The following TRAPPC11 variants were observed in gnomAD, a reference collection of about 807,000 sequenced individuals.
TRAPPC11 encodes foie gras homolog.
In TRAPPC11, 104 loss-of-function variants were observed where a neutral mutation model predicts 151.2. The observed-to-expected ratio is 0.69, with a 90% confidence interval of 0.59 to 0.81. The LOEUF (loss-of-function observed/expected upper bound fraction) is 0.81. Among genes scored for constraint, TRAPPC11 ranks in the 30% least tolerant of loss-of-function variants. The probability of loss-of-function intolerance (pLI) is 0.00; values close to 1 mark genes in which losing one functional copy is unlikely to be tolerated. For synonymous variants in TRAPPC11, 456 were observed against 472.3 expected, an observed-to-expected ratio of 0.97 and a Z score of 0.45; for missense variants, 1,230 against 1,349.6, an observed-to-expected ratio of 0.91 and a Z score of 1.39.
At chr4:183,680,427 C>T (rs888776343) in intron 10 of TRAPPC11, among the ~76,000 whole-genome samples, 160 bp downstream of exon 10, 6 of 152,062 alleles carry the variant, frequency 3.9e-5, no homozygotes, top group African/African-American at 1.4e-4. Flanking sequence ...TGGTTTTAGC[C>T]TGAGTACTCT....
chr4:183,697,495 T>C lies in TRAPPC11; in HGVS notation c.2629-8T>C, dbSNP rs566528803. The C allele has an allele frequency of 6.3e-7, 1 of 1,594,678 alleles. No homozygotes were observed. The highest frequency in any genetic ancestry group is 8.5e-7 in the Non-Finnish European group (1 of 1,175,742). ...ATCCATGAATGTGCCCTTTACATTT[T>C]CTTGCAGGATGAAACTGTAACAATT... On this transcript the variant is annotated splice_polypyrimidine_tract_variant and splice_region_variant and intron_variant, in intron 23 of 29. Coordinates refer to ENST00000334690, the MANE Select transcript of TRAPPC11 (RefSeq NM_021942.6).
chr4:183,711,311 T>C (rs1269949810), intron 29 of TRAPPC11, among the ~76,000 whole-genome samples: 1 of 152,216 alleles, frequency 6.6e-6, no homozygotes, highest in Non-Finnish European at 1.5e-5. Flanking sequence ...CACTGCCACA[T>C]TTCAAGTGCT....
At chr4:183,702,407 C>T (rs1181373862) in intron 26 of TRAPPC11, among the ~76,000 whole-genome samples, 2 of 148,684 alleles carry the variant, frequency 1.3e-5, no homozygotes, top group Admixed American at 6.7e-5. Context: ...GGGAAAAAAA[C>T]GTAAATGCCC....
At position 183,685,294 on chromosome 4, in the gene TRAPPC11, C is replaced by T. The variant is rs956260681; in HGVS notation, c.1653C>T (p.Pro551=). 20 of 1,613,904 alleles carry T rather than the reference C, an allele frequency of 1.2e-5. No homozygotes were observed. Among genetic ancestry groups the T allele is most frequent in the Middle Eastern group, 1.6e-4 (1 of 6,082 alleles). Residue 551 remains proline, a synonymous_variant, in exon 17 of 30, where the codon CCC becomes CCT. Coordinates refer to ENST00000334690, the MANE Select transcript of TRAPPC11 (RefSeq NM_021942.6). ...AGAATGAAAGTCCTGATCCAGAACCCGACTGTGATATCTTAGCTGTGAAAA... is the reference window on the plus strand; with the variant it reads ...AGAATGAAAGTCCTGATCCAGAACCTGACTGTGATATCTTAGCTGTGAAAA... ...VLMNESPDPE[P]DCDILAVKTA...
chr4:183,704,969 T>C lies in TRAPPC11; in HGVS notation c.2964-10T>C. ...AAAAGAGTTTAAAAAGATGACCTCT[T>C]CTGCCACAGGACCTCAGCAATGGAG... On this transcript the variant is annotated splice_polypyrimidine_tract_variant and intron_variant, in intron 26 of 29. Coordinates refer to ENST00000334690, the MANE Select transcript of TRAPPC11 (RefSeq NM_021942.6). The C allele has an allele frequency of 6.4e-7, 1 of 1,554,464 alleles. No individual in the cohort carries two copies.
intron 8 of TRAPPC11, among the ~76,000 whole-genome samples, chr4:183,678,172 C>T (rs1735505462): frequency 6.6e-6 from 1 of 152,050 alleles, no homozygotes; most frequent in Non-Finnish European, 1.5e-5. Flanking sequence ...CTCTTGACCT[C>T]GTGATCCACC....
At chr4:183,665,441 G>A (rs1300500497) in intron 2 of TRAPPC11, among the ~76,000 whole-genome samples, 2 of 152,186 alleles carry the variant, frequency 1.3e-5, no homozygotes, top group African/African-American at 4.8e-5. Context: ...AGAAGGCAGG[G>A]AGCCCAGCAC....
Position 183,685,386 on chromosome 4 carries a change from A to C in TRAPPC11, c.1745A>C (p.Gln582Pro), listed in dbSNP as rs533474499. 6.2e-7 allele frequency: 1 copy of C among 1,613,728 alleles called. No individual in the cohort carries two copies. The highest frequency in any genetic ancestry group is 1.3e-5 in the African/African-American group (1 of 74,936). Reference protein sequence around the residue: ...AGSNIFTIGVQDFVPFVQCKA... With the variant: ...AGSNIFTIGVPDFVPFVQCKA... ...AGCAATATTTTCACAATAGGAGTAC[A>C]GGACTTTGTGCCATTTGGTAGGTAG... Residue 582 changes from glutamine (Q) to proline (P), a missense_variant, in exon 17 of 30, where the codon CAG becomes CCG. Gln to Pro is a moderately conservative substitution (Grantham distance 76). Transcript: ENST00000334690.
intron 1 of TRAPPC11, among the ~76,000 whole-genome samples, chr4:183,663,558 A>C (rs1734673266): frequency 6.6e-6 from 1 of 152,034 alleles, no homozygotes; most frequent in South Asian, 2.1e-4. Flanking sequence ...TAGTAGAGAC[A>C]AGGTTTCACT....
chr4:183,663,918 GGCCT>G lies in TRAPPC11; in HGVS notation c.52_55del (p.Ala18LeufsTer4). 1 of 1,614,152 alleles carries G rather than the reference GGCCT, an allele frequency of 6.2e-7. No homozygotes were observed. The highest frequency in any genetic ancestry group is 8.5e-7 in the Non-Finnish European group (1 of 1,180,020). On this transcript the variant is annotated frameshift_variant, in exon 2 of 30. Transcript: ENST00000334690. LOFTEE classifies it high-confidence loss of function. ...CTGTGGAATTATGTTGCCGGCCTAT[GGCCT>G]TTGTTACTCTAACGGGCCTGGATGT...
chr4:183,701,855 C>A, intron 26 of TRAPPC11, 47 bp downstream of exon 26: 1 of 1,199,694 alleles, frequency 8.3e-7, no homozygotes, highest in South Asian at 1.2e-5. Flanking sequence ...CTCTGTTATT[C>A]TCATACCTTT....
chr4:183,699,867 C>G (rs1736718235), intron 25 of TRAPPC11, among the ~76,000 whole-genome samples: 1 of 152,028 alleles, frequency 6.6e-6, no homozygotes, highest in African/African-American at 2.4e-5. Context: ...CTCTGTCACC[C>G]AGGCTGGAGT....
chr4:183,677,967 T>G (rs539689488), intron 8 of TRAPPC11, among the ~76,000 whole-genome samples: 3 of 149,988 alleles, frequency 2.0e-5, no homozygotes, highest in Admixed American at 6.7e-5. Flanking sequence ...TGAGACGGAG[T>G]TTTGCTCTGT....
Position 183,712,789 on chromosome 4 carries a change from C to T in TRAPPC11, c.*145C>T. ...ATGTTATACCAACTATTCAGAGGAA[C>T]TCATACTTCAAAAATATTAGGAAAA... On this transcript the variant is annotated 3_prime_UTR_variant, in exon 30 of 30. Coordinates refer to ENST00000334690, the MANE Select transcript of TRAPPC11 (RefSeq NM_021942.6). The T allele has an allele frequency of 1.6e-6, 1 of 627,518 alleles. No homozygotes were observed. Among genetic ancestry groups the T allele is most frequent in the South Asian group, 2.9e-5 (1 of 35,008 alleles). 38.9% of individuals were successfully genotyped at this position (627,518 alleles called of 1,614,324 possible).
At chr4:183,674,559 A>T (rs1735316379) in intron 5 of TRAPPC11, among the ~76,000 whole-genome samples, 154 bp from the exon 6 acceptor site, 1 of 152,072 alleles carries the variant, frequency 6.6e-6, no homozygotes, top group African/African-American at 2.4e-5. Context: ...TTGATCTGAA[A>T]ATTCAGGTTA....
At chr4:183,692,854 A>T in intron 19 of TRAPPC11, 106 bp from the exon 20 acceptor site, 1 of 1,000,250 alleles carries the variant, frequency 1.0e-6, no homozygotes. Flanking sequence ...GGGGGTCTCT[A>T]GATGAACTCC....
intron 1 of TRAPPC11, among the ~76,000 whole-genome samples, chr4:183,663,329 G>C (rs1334534050): frequency 6.6e-6 from 1 of 152,140 alleles, no homozygotes; most frequent in Non-Finnish European, 1.5e-5. Flanking sequence ...CACCTCCCGG[G>C]TTCACGCCAT....
At chr4:183,710,706 G>A (rs1737300188) in intron 29 of TRAPPC11, among the ~76,000 whole-genome samples, 1 of 151,846 alleles carries the variant, frequency 6.6e-6, no homozygotes. Flanking sequence ...CGCAGAGCCA[G>A]CTCTTTAATC....
At chr4:183,685,188 G>A (rs747071646) in intron 16 of TRAPPC11, 43 bp downstream of exon 16, 5 of 1,608,900 alleles carry the variant, frequency 3.1e-6, no homozygotes, top group South Asian at 2.2e-5. Context: ...TTAGGAATAT[G>A]TGTACTTATA....
Sources: allele counts gnomAD v4.1 joint callset (sites outside exome capture counted in the v4.1 genomes callset), GRCh38; gene constraint gnomAD v4.1.1; transcripts MANE v1.5; gene names NCBI Gene and HGNC (gene_info 2026-07-23, HGNC 2026-07-21).